Variants in RBM44 observed in about 807,000 individuals in gnomAD.
The protein encoded by RBM44 is RNA binding motif protein 44, also known as RNA-binding protein 44.
RBM44 carries 66 observed loss-of-function variants against 105.1 expected under a neutral mutation model. The ratio of observed to expected loss-of-function variants is 0.63; its 90% CI spans 0.52 to 0.77. RBM44 has a LOEUF of 0.77. Ranked by LOEUF, RBM44 falls within the 30% of genes least tolerant of loss-of-function variation. The probability of loss-of-function intolerance (pLI) is 0.00; values close to 1 mark genes in which losing one functional copy is unlikely to be tolerated. For synonymous variants in RBM44, 365 were observed against 417.6 expected (o/e 0.87, Z 1.54); for missense variants, 1,122 against 1,207.8 (o/e 0.93, Z 1.05).
At chr2:237,826,335 T>G (rs1165550825) in intron 10 of RBM44, among the ~76,000 whole-genome samples, 1 of 152,132 alleles carries the variant, frequency 6.6e-6, no homozygotes, top group Non-Finnish European at 1.5e-5. Flanking sequence ...CTTTTTGGTT[T>G]CAGGTTCTCT....
At chr2:237,831,251 G>A (rs1252239240) in intron 13 of RBM44, among the ~76,000 whole-genome samples, 2 of 136,176 alleles carry the variant, frequency 1.5e-5, no homozygotes, top group African/African-American at 5.3e-5. Context: ...TTTGGGGGGG[G>A]GGGGGTTTGT....
At chr2:237,826,235 A>G (rs143776007) in intron 10 of RBM44, among the ~76,000 whole-genome samples, 203 of 152,232 alleles carry the variant, frequency 1.3e-3, no homozygotes, top group Non-Finnish European at 2.1e-3. Flanking sequence ...AATAAAAGCT[A>G]CTTTAAGGAT....
chr2:237,803,321 ACT>A lies in RBM44; in HGVS notation c.-19+4470_-19+4471del, dbSNP rs748433474. On this transcript the variant is annotated intron_variant, in intron 1 of 15. Coordinates refer to ENST00000316997, the MANE Select transcript of RBM44 (RefSeq NM_001080504.3). The surrounding 1 kb of genome is among the most constrained non-coding windows in gnomAD (Gnocchi z 4.2). ...GAGCGAGACACACACACACACACAT[ACT>A]CTCTCTCTCACACACACACACATAC... 8.0e-5 allele frequency among the ~76,000 whole-genome samples: 12 copies of A among 150,414 alleles called. No homozygotes were observed. Among genetic ancestry groups the A allele is most frequent in the African/African-American group, 1.7e-4 (7 of 40,490 alleles).
chr2:237,802,471 A>G (rs529428211), intron 1 of RBM44, among the ~76,000 whole-genome samples: 1 of 152,336 alleles, frequency 6.6e-6, no homozygotes, highest in African/African-American at 2.4e-5. Flanking sequence ...TGGAAAAATT[A>G]TCTTCCACAA....
intron 15 of RBM44, chr2:237,834,960 T>A (rs956812028): frequency 6.6e-6 from 1 of 152,252 alleles, no homozygotes; most frequent in African/African-American, 2.4e-5. Flanking sequence ...ATACTGCAAT[T>A]TTTACATACC....
Position 237,821,234 on chromosome 2 carries a change from T to C in RBM44, c.2077T>C (p.Phe693Leu). ...ACTAGAATCAAAATTATTATCTACC[T>C]TCTCTACTTTTGCTTCCAGGGTATG... ...LSLESKLLST[F>L]STFASRLMKK... Residue 693 changes from phenylalanine to leucine, a missense_variant, in exon 6 of 16, where the codon TTC becomes CTC. Phe to Leu is a conservative substitution (Grantham distance 22). Around this residue, in one of 3 missense-constraint regions of RBM44, gnomAD observed 918 missense variants for 955.3 expected, o/e 0.96. Transcript: ENST00000316997. 3 of 1,602,300 alleles carry C rather than the reference T, an allele frequency of 1.9e-6. No individual in the cohort carries two copies. The highest frequency in any genetic ancestry group is 1.3e-5 in the African/African-American group (1 of 74,544).
At position 237,842,330 on chromosome 2, in the gene RBM44, A is replaced by G. The variant is rs1336123155; in HGVS notation, c.*514A>G. 1.3e-5 allele frequency: 2 copies of G among 152,150 alleles called. No individual in the cohort carries two copies. The highest frequency in any genetic ancestry group is 1.3e-4 in the Admixed American group (2 of 15,276). 9.4% of individuals were successfully genotyped at this position (152,150 alleles called of 1,614,324 possible). The stretch of plus-strand genomic sequence containing the variant: ...ATAGATACATTCAGTATCATACAAC[A>G]TTTTGGAATGTGTATGCTTTCAGGC... On this transcript the variant is annotated 3_prime_UTR_variant, in exon 16 of 16. Coordinates refer to ENST00000316997, the MANE Select transcript of RBM44 (RefSeq NM_001080504.3).
In RBM44 at chr2:237,803,884, CT is replaced by C. The variant is rs566625793; in HGVS notation, c.-19+5035del. Among the ~76,000 whole-genome samples the C allele has an allele frequency of 0.011, 1,573 of 145,074 alleles. 23 individuals are homozygous for C. Among genetic ancestry groups the C allele is most frequent in the African/African-American group, 0.033 (1,331 of 39,928 alleles). ...ACCATTTATTGAATATGCCTTAGACCTTTTTTTTTTTTCTTTTTTTTGAGAC... is the reference window on the plus strand; with the variant it reads ...ACCATTTATTGAATATGCCTTAGACCTTTTTTTTTTTCTTTTTTTTGAGAC... On this transcript the variant is annotated intron_variant, in intron 1 of 15. Transcript: ENST00000316997. The surrounding 1 kb of genome is among the most constrained non-coding windows in gnomAD (Gnocchi z 4.2).
At chr2:237,833,933 G>T in intron 13 of RBM44, 64 bp from the exon 14 acceptor site, 1 of 748,284 alleles carries the variant, frequency 1.3e-6, no homozygotes, top group Non-Finnish European at 1.9e-6. Context: ...TGTTGAATAA[G>T]CGGTATTATC....
intron 7 of RBM44, 41 bp from the exon 8 acceptor site, chr2:237,821,702 T>C (rs1035776124): frequency 2.2e-6 from 3 of 1,386,590 alleles, no homozygotes; most frequent in South Asian, 1.2e-5. Flanking sequence ...TACTCTGTTA[T>C]CAAACATTAG....
intron 1 of RBM44, among the ~76,000 whole-genome samples, chr2:237,807,162 A>T (rs1330866673): frequency 2.6e-5 from 4 of 151,994 alleles, no homozygotes; most frequent in Admixed American, 2.6e-4. Context: ...GGAAAAAAAA[A>T]ATTTGAGATG....
chr2:237,811,297 A>G (rs1190231680), intron 1 of RBM44, among the ~76,000 whole-genome samples: 1 of 151,926 alleles, frequency 6.6e-6, no homozygotes, highest in Non-Finnish European at 1.5e-5. Context: ...CCTTAATACT[A>G]GGTTTCCAGT....
At chr2:237,840,210 A>AG (rs1559925931) in intron 15 of RBM44, among the ~76,000 whole-genome samples, 2 of 141,880 alleles carry the variant, frequency 1.4e-5, no homozygotes, top group African/African-American at 2.6e-5. Flanking sequence ...AAAAAAAAAA[A>AG]GGGCACACGG....
intron 8 of RBM44, among the ~76,000 whole-genome samples, 165 bp downstream of exon 8, chr2:237,821,992 G>A (rs56387887): frequency 0.13 from 19,837 of 151,958 alleles, 1,685 homozygotes; most frequent in East Asian, 0.41. Flanking sequence ...TATTTATGTC[G>A]AATCCTGATC....
chr2:237,818,301 C>T lies in RBM44; in HGVS notation c.1382C>T (p.Thr461Ile). 6.2e-7 allele frequency: 1 copy of T among 1,613,322 alleles called. No homozygotes were observed. Among genetic ancestry groups the T allele is most frequent in the Non-Finnish European group, 8.5e-7 (1 of 1,179,524 alleles). Residue 461 changes from threonine to isoleucine, a missense_variant, in exon 3 of 16, where the codon ACA becomes ATA. This residue lies in a region of RBM44 where 918 missense variants were observed against 955.3 expected (regional missense o/e 0.96). Coordinates refer to ENST00000316997, the MANE Select transcript of RBM44 (RefSeq NM_001080504.3). This position sits in a 1 kb window ranked among gnomAD's most constrained non-coding sequence, Gnocchi z 4.6. ...TKSLTDAASC[T>I]VTINQTVDVS... ...TCATTGACAGATGCAGCAAGTTGTA[C>T]AGTCACAATTAATCAGACAGTGGAC...
At chr2:237,807,369 C>G (rs755156474) in intron 1 of RBM44, among the ~76,000 whole-genome samples, 1 of 152,164 alleles carries the variant, frequency 6.6e-6, no homozygotes, top group African/African-American at 2.4e-5. Flanking sequence ...AGGCTGGTCT[C>G]AAACTCCTGA....
chr2:237,806,879 G>A (rs1181071262), intron 1 of RBM44, among the ~76,000 whole-genome samples: 1 of 151,940 alleles, frequency 6.6e-6, no homozygotes, highest in Non-Finnish European at 1.5e-5. Context: ...GGGGTGGGGG[G>A]TGCGGGGAGT....
At chr2:237,809,308 G>A (rs1444799301) in intron 1 of RBM44, among the ~76,000 whole-genome samples, 1 of 152,016 alleles carries the variant, frequency 6.6e-6, no homozygotes, top group Non-Finnish European at 1.5e-5. Flanking sequence ...TAATTTTCCT[G>A]AGTTTATCAT....
intron 1 of RBM44, among the ~76,000 whole-genome samples, chr2:237,810,104 A>G (rs1377560963): frequency 2.0e-5 from 3 of 152,236 alleles, no homozygotes; most frequent in African/African-American, 7.2e-5. Context: ...ACATGTAATC[A>G]AATAAAATGT....
Sources: allele counts gnomAD v4.1 joint callset (sites outside exome capture counted in the v4.1 genomes callset), GRCh38; gene constraint gnomAD v4.1.1; regional missense constraint gnomAD v4.1.1; non-coding constraint Gnocchi (gnomAD v3.1); transcripts MANE v1.5; gene names NCBI Gene and HGNC (gene_info 2026-07-23, HGNC 2026-07-21).